DUSP16: variants seen among roughly 807,000 people sequenced by gnomAD.
The protein encoded by DUSP16 is dual specificity protein phosphatase 16.
In DUSP16, 21 loss-of-function variants were observed where a neutral mutation model predicts 58.3. The ratio of observed to expected loss-of-function variants is 0.36; its 90% CI spans 0.26 to 0.52. DUSP16 has a LOEUF of 0.52. Among genes scored for constraint, DUSP16 ranks in the 20% least tolerant of loss-of-function variants. The probability of loss-of-function intolerance (pLI) is 0.94; values close to 1 mark genes in which losing one functional copy is unlikely to be tolerated. For synonymous variants in DUSP16, 320 were observed against 323.8 expected (o/e 0.99, Z 0.12); for missense variants, 726 against 819.0 (o/e 0.89, Z 1.39).
chr12:12,561,143 C>T (rs1944896280), intron 1 of DUSP16: 1 of 152,160 alleles, frequency 6.6e-6, no homozygotes, highest in Admixed American at 6.5e-5. Flanking sequence ...TGCATCTTAA[C>T]TCACTTCCCT....
intron 6 of DUSP16, among the ~76,000 whole-genome samples, chr12:12,479,415 G>C (rs1046730682): frequency 3.3e-5 from 5 of 152,208 alleles, no homozygotes; most frequent in Admixed American, 2.6e-4. Flanking sequence ...CTTTTCTTCT[G>C]ATTTCTACAT....
intron 1 of DUSP16, among the ~76,000 whole-genome samples, chr12:12,544,492 A>G (rs1325772848): frequency 6.6e-6 from 1 of 152,180 alleles, no homozygotes; most frequent in East Asian, 1.9e-4. Flanking sequence ...TGGGTTTGCT[A>G]GGTTAAACGC....
rs1324973293 is a variant in DUSP16, at chr12:12,521,104, C to T, written c.-6G>A. On this transcript the variant is annotated 5_prime_UTR_variant, in exon 2 of 7. Transcript: ENST00000298573. The stretch of plus-strand genomic sequence containing the variant: ...CCAATCATCTCATGGGCCATGACAA[C>T]AATAAGTCCTCTTTTCCCACCTCCT... 1 of 1,613,682 alleles carries T rather than the reference C, an allele frequency of 6.2e-7. No individual in the cohort carries two copies. Among genetic ancestry groups the T allele is most frequent in the Non-Finnish European group, 8.5e-7 (1 of 1,179,810 alleles).
chr12:12,507,898 C>T (rs1411177355), intron 3 of DUSP16, among the ~76,000 whole-genome samples: 16 of 152,360 alleles, frequency 1.1e-4, no homozygotes, highest in African/African-American at 2.9e-4. Context: ...CGTGAGCCAC[C>T]GTGCCCAGCC....
intron 1 of DUSP16, among the ~76,000 whole-genome samples, chr12:12,547,540 A>G (rs1944663362): frequency 7.3e-6 from 1 of 136,778 alleles, no homozygotes; most frequent in Admixed American, 6.9e-5. Context: ...TTAAAAAAAA[A>G]AAAAAAAAAA....
chr12:12,538,461 CAA>C (rs1944503886), intron 1 of DUSP16, among the ~76,000 whole-genome samples: 1 of 152,284 alleles, frequency 6.6e-6, no homozygotes, highest in African/African-American at 2.4e-5. Flanking sequence ...CATATTTATT[CAA>C]AGTCACACTA....
In DUSP16 at chr12:12,477,020, C is replaced by G. The variant is rs1565965257; in HGVS notation, c.1811G>C (p.Ser604Thr). ...GCTCCGCCGCGAGTCAGCTCTGTCA[C>G]TTGGCTTCTGCCGCCTGCGCACAGA... ...VYSVRRRQKP[S>T]DRADSRRSWH... Residue 604 changes from serine to threonine, a missense_variant, in exon 7 of 7, where the codon AGT (serine) becomes ACT (threonine). By Grantham distance (58) the Ser-to-Thr change is moderately conservative. Transcript: ENST00000298573. The surrounding 1 kb of genome is among the most constrained non-coding windows in gnomAD (Gnocchi z 4.1). The G allele has an allele frequency of 6.2e-7, 1 of 1,614,264 alleles. No individual in the cohort carries two copies.
chr12:12,559,751 C>A (rs924561249), intron 1 of DUSP16, among the ~76,000 whole-genome samples: 1 of 152,146 alleles, frequency 6.6e-6, no homozygotes, highest in African/African-American at 2.4e-5. Context: ...ATTAAATTCC[C>A]AGTCCAGGGA....
At chr12:12,541,548 A>C (rs1044554888) in intron 1 of DUSP16, among the ~76,000 whole-genome samples, 4 of 152,218 alleles carry the variant, frequency 2.6e-5, no homozygotes, top group African/African-American at 9.7e-5. Flanking sequence ...GGAGTTGGTC[A>C]ATCTATGATA....
chr12:12,505,990 C>G (rs1258301057), intron 3 of DUSP16: 1 of 152,152 alleles, frequency 6.6e-6, no homozygotes, highest in Admixed American at 6.5e-5. Flanking sequence ...CCAGAAAACC[C>G]TACCTCAGCC....
intron 1 of DUSP16, among the ~76,000 whole-genome samples, chr12:12,561,469 C>T (rs372818571): frequency 6.6e-6 from 1 of 152,224 alleles, no homozygotes; most frequent in African/African-American, 2.4e-5. Context: ...ACGTGATACA[C>T]AGACCCTGGG....
intron 1 of DUSP16, among the ~76,000 whole-genome samples, chr12:12,528,076 CTT>C (rs1338075722): frequency 6.6e-6 from 1 of 152,164 alleles, no homozygotes; most frequent in Admixed American, 6.5e-5. Flanking sequence ...AATCAGAGCT[CTT>C]GTCTTTTTCT....
chr12:12,514,517 T>C (rs1944120246), intron 3 of DUSP16, among the ~76,000 whole-genome samples: 1 of 152,230 alleles, frequency 6.6e-6, no homozygotes, highest in Admixed American at 6.5e-5. Context: ...TTACCAACCC[T>C]TGAAAATGGT....
chr12:12,477,706 C>A lies in DUSP16; in HGVS notation c.1125G>T (p.Pro375=), dbSNP rs142652742. The part of the protein sequence containing the change: ...SVQPSLLEDS[P]LVQALSGLHL... ...GCAGCCCACTGAGCGCCTGTACCAG[C>A]GGGCTGTCCTCTAACAGCGACGGCT... The change falls in exon 7 of 7, where the codon CCG becomes CCT. Residue 375 remains proline, a synonymous_variant. Transcript: ENST00000298573. The surrounding 1 kb of genome is among the most constrained non-coding windows in gnomAD (Gnocchi z 4.1). 3 of 1,612,966 alleles carry A rather than the reference C, an allele frequency of 1.9e-6. No homozygotes were observed. The highest frequency in any genetic ancestry group is 1.7e-5 in the Admixed American group (1 of 59,996).
chr12:12,503,713 G>A (rs2136215974), intron 3 of DUSP16, among the ~76,000 whole-genome samples: 1 of 152,236 alleles, frequency 6.6e-6, no homozygotes, highest in East Asian at 1.9e-4. Flanking sequence ...GAGAAATATT[G>A]TATATCCTAG....
intron 1 of DUSP16, among the ~76,000 whole-genome samples, chr12:12,541,054 G>A (rs1303233300): frequency 6.8e-6 from 1 of 146,666 alleles, no homozygotes; most frequent in Non-Finnish European, 1.5e-5. Flanking sequence ...AACCTCCCAG[G>A]CTCAGGTGAT....
intron 6 of DUSP16, among the ~76,000 whole-genome samples, chr12:12,479,985 TTAAACA>T (rs761847514): frequency 4.6e-5 from 7 of 152,216 alleles, no homozygotes; most frequent in South Asian, 2.1e-4. Flanking sequence ...CTGTTGTTCC[TTAAACA>T]TAAAAAGTGG....
At chr12:12,553,057 A>C (rs1447436936) in intron 1 of DUSP16, among the ~76,000 whole-genome samples, 1 of 152,176 alleles carries the variant, frequency 6.6e-6, no homozygotes, top group African/African-American at 2.4e-5. Flanking sequence ...TTGGGATTAC[A>C]GGCATGAGCC....
At chr12:12,513,845 T>C (rs1018536656) in intron 3 of DUSP16, among the ~76,000 whole-genome samples, 4 of 152,144 alleles carry the variant, frequency 2.6e-5, no homozygotes, top group African/African-American at 9.7e-5. Context: ...ATAGTTTTCC[T>C]TTTTTTCACA....
Sources: gnomAD v4.1 joint callset for allele counts (sites outside exome capture counted in the v4.1 genomes callset) on GRCh38, gnomAD v4.1.1 for gene constraint, Gnocchi (gnomAD v3.1) non-coding constraint, MANE v1.5 for transcripts, NCBI Gene and HGNC (gene_info 2026-07-23, HGNC 2026-07-21) for gene names.